NOL4L: variants seen among roughly 807,000 people sequenced by gnomAD.
NOL4L encodes the protein nucleolar protein 4-like.
Under a neutral mutation model 64.5 loss-of-function variants are expected in NOL4L, and 7 were observed. That is an observed-to-expected ratio of 0.11 (90% CI 0.06 to 0.20). The LOEUF is 0.20. Among genes scored for constraint, NOL4L ranks in the 10% least tolerant of loss-of-function variants. The pLI is 1.00. For synonymous variants in NOL4L, 413 were observed against 401.0 expected, an observed-to-expected ratio of 1.03 and a Z score of -0.36; for missense variants, 680 against 967.1, an observed-to-expected ratio of 0.70 and a Z score of 3.94.
intron 1 of NOL4L, among the ~76,000 whole-genome samples, chr20:32,566,892 G>A (rs551643226): frequency 2.4e-4 from 36 of 152,320 alleles, no homozygotes; most frequent in African/African-American, 8.2e-4. Flanking sequence ...ATGAGGACAG[G>A]GATTTTGTTT....
intron 5 of NOL4L, 47 bp from the exon 6 acceptor site, chr20:32,456,442 C>G (rs756150768): frequency 7.1e-7 from 1 of 1,417,846 alleles, no homozygotes. Flanking sequence ...GGCACTGTGG[C>G]CACTGCAGCC....
intron 2 of NOL4L, among the ~76,000 whole-genome samples, chr20:32,525,829 C>T (rs1414532563): frequency 6.6e-6 from 1 of 152,176 alleles, no homozygotes; most frequent in Non-Finnish European, 1.5e-5. Context: ...ATGATCCCAG[C>T]TCACTGCAAC....
chr20:32,554,320 CAAAA>C (rs58257913), intron 1 of NOL4L, among the ~76,000 whole-genome samples: 3 of 64,070 alleles, frequency 4.7e-5, no homozygotes, highest in Non-Finnish European at 5.9e-5. Flanking sequence ...GACTCTGCCT[CAAAA>C]AAAAAAAAAA....
intron 4 of NOL4L, among the ~76,000 whole-genome samples, chr20:32,508,357 T>TCCTC (rs2017222087): frequency 6.6e-6 from 1 of 152,098 alleles, no homozygotes; most frequent in African/African-American, 2.4e-5. Context: ...GCTGGGTCCT[T>TCCTC]GGCCCTTCCT....
intron 1 of NOL4L, among the ~76,000 whole-genome samples, chr20:32,544,342 C>A (rs1011114925): frequency 6.6e-6 from 1 of 151,700 alleles, no homozygotes; most frequent in Admixed American, 6.6e-5. Context: ...TACAAAGAGG[C>A]ATGGGGCCTT....
intron 4 of NOL4L, among the ~76,000 whole-genome samples, chr20:32,505,699 G>C (rs187912580): frequency 8.5e-5 from 13 of 152,318 alleles, no homozygotes; most frequent in African/African-American, 2.9e-4. Context: ...CTGGGTGACA[G>C]AGTGAGACCC....
At chr20:32,533,722 G>C (rs1481379237) in intron 1 of NOL4L, among the ~76,000 whole-genome samples, 1 of 152,168 alleles carries the variant, frequency 6.6e-6, no homozygotes, top group Non-Finnish European at 1.5e-5. Context: ...AGTCCTCCCT[G>C]GCAAAGTTAA....
At chr20:32,543,744 C>T (rs2018693672) in intron 1 of NOL4L, among the ~76,000 whole-genome samples, 1 of 151,902 alleles carries the variant, frequency 6.6e-6, no homozygotes, top group Non-Finnish European at 1.5e-5. Flanking sequence ...GAGCCGAGAT[C>T]TCGCCACGGC....
intron 4 of NOL4L, among the ~76,000 whole-genome samples, chr20:32,497,799 T>G (rs1161749524): frequency 6.6e-6 from 1 of 151,946 alleles, no homozygotes; most frequent in Non-Finnish European, 1.5e-5. Flanking sequence ...CTGGCAGGGG[T>G]GTTTTACTGC....
In NOL4L at chr20:32,488,827, T is replaced by TTTCTTTCTTTCTTTCTTTCTTTC. The variant is rs2016294538; in HGVS notation, c.700-14086_700-14085insGAAAGAAAGAAAGAAAGAAAGAA. On this transcript the variant is annotated intron_variant, in intron 4 of 10. Transcript: ENST00000621426. ...TCTTTTTCTTTCTTTCTTTCTTTCT[T>TTTCTTTCTTTCTTTCTTTCTTTC]TTTCTTTCTTTCTTTCTTTCTTTCT... 9.0e-5 allele frequency among the ~76,000 whole-genome samples: 3 copies of TTTCTTTCTTTCTTTCTTTCTTTC among 33,152 alleles called. 1 individual carries two copies. The highest frequency in any genetic ancestry group is 8.1e-4 in the South Asian group (1 of 1,232). 21.7% of individuals were successfully genotyped at this position (33,152 alleles called of 152,430 possible).
At position 32,453,050 on chromosome 20, in the gene NOL4L, G is replaced by T; in HGVS notation, c.1498-44C>A. On this transcript the variant is annotated intron_variant, in intron 8 of 10. Coordinates refer to ENST00000621426, the MANE Select transcript of NOL4L (RefSeq NM_001256798.2). This position sits in a 1 kb window ranked among gnomAD's most constrained non-coding sequence, Gnocchi z 5.6. ...TGGAGCTAGCATGGGGCCCGTGGGG[G>T]CCCTGGGCTTGTGCAGAGACCCTGC... The T allele has an allele frequency of 1.2e-6, 2 of 1,607,912 alleles. No individual in the cohort carries two copies. The highest frequency in any genetic ancestry group is 1.7e-6 in the Non-Finnish European group (2 of 1,179,164).
chr20:32,497,617 A>G (rs147138880), intron 4 of NOL4L, among the ~76,000 whole-genome samples: 33 of 152,284 alleles, frequency 2.2e-4, no homozygotes, highest in African/African-American at 7.9e-4. Context: ...AAGATCACGA[A>G]TCCCTTCTGG....
chr20:32,495,103 G>A (rs2145526091), intron 4 of NOL4L, among the ~76,000 whole-genome samples: 1 of 152,368 alleles, frequency 6.6e-6, no homozygotes. Context: ...GGTGCCTGGG[G>A]AGCAGACAAG....
chr20:32,583,332 G>A (rs983167149), intron 1 of NOL4L, among the ~76,000 whole-genome samples: 6 of 150,638 alleles, frequency 4.0e-5, no homozygotes, highest in African/African-American at 1.2e-4. Flanking sequence ...GGCCGCGGAG[G>A]GGGAGGGGGA....
chr20:32,497,540 G>C (rs1326311636), intron 4 of NOL4L, among the ~76,000 whole-genome samples: 1 of 152,164 alleles, frequency 6.6e-6, no homozygotes, highest in African/African-American at 2.4e-5. Context: ...CACTAGTTCT[G>C]GGTGAAAGAG....
intron 3 of NOL4L, among the ~76,000 whole-genome samples, chr20:32,514,143 T>C (rs1266358424): frequency 6.6e-6 from 1 of 152,166 alleles, no homozygotes; most frequent in African/African-American, 2.4e-5. Flanking sequence ...TTAGTTTTGC[T>C]CTTTAAAGCT....
At chr20:32,520,956 A>G in intron 2 of NOL4L, 34 bp from the exon 3 acceptor site, 5 of 1,460,280 alleles carry the variant, frequency 3.4e-6, no homozygotes, top group Non-Finnish European at 4.7e-6. Context: ...TGTTATATGG[A>G]TCTGTGGGGA....
chr20:32,557,397 G>A (rs1361325552), intron 1 of NOL4L, among the ~76,000 whole-genome samples: 1 of 152,258 alleles, frequency 6.6e-6, no homozygotes, highest in Non-Finnish European at 1.5e-5. Context: ...TTATACAGAA[G>A]AGACGCTCTG....
At chr20:32,513,116 C>G (rs1284963827) in intron 3 of NOL4L, among the ~76,000 whole-genome samples, 1 of 152,140 alleles carries the variant, frequency 6.6e-6, no homozygotes. Context: ...GTACATAGTC[C>G]CACTGATGGG....
Sources: gnomAD v4.1 joint callset for allele counts (sites outside exome capture counted in the v4.1 genomes callset) on GRCh38, gnomAD v4.1.1 for gene constraint, Gnocchi (gnomAD v3.1) non-coding constraint, MANE v1.5 for transcripts, NCBI Gene and HGNC (gene_info 2026-07-23, HGNC 2026-07-21) for gene names.